The following DNAH6 variants were observed in gnomAD, a reference collection of about 807,000 sequenced individuals.
The protein encoded by DNAH6 is axonemal beta dynein heavy chain 6.
A neutral mutation model predicts 491.4 loss-of-function variants in DNAH6; 340 were observed. The observed-to-expected ratio is 0.69, with a 90% CI of 0.63 to 0.76. DNAH6 has a LOEUF of 0.76. Ranked by LOEUF, DNAH6 falls within the 30% of genes least tolerant of loss-of-function variation. The pLI is 0.00. For synonymous variants in DNAH6, 1,603 were observed against 1,686.1 expected (o/e 0.95, Z 1.21); for missense variants, 4,443 against 4,972.2 (o/e 0.89, Z 3.20).
chr2:84,616,704 A>G (rs1283471843), intron 22 of DNAH6, among the ~76,000 whole-genome samples, 182 bp from the exon 23 acceptor site: 1 of 152,168 alleles, frequency 6.6e-6, no homozygotes, highest in Non-Finnish European at 1.5e-5. Flanking sequence ...TTGCCATTAC[A>G]ATTCCATGAC....
At chr2:84,701,371 T>G (rs1174015487) in intron 49 of DNAH6, 32 bp downstream of exon 49, 2 of 1,534,246 alleles carry the variant, frequency 1.3e-6, no homozygotes, top group Non-Finnish European at 1.8e-6. Context: ...AAAATATTGT[T>G]TTGCTTGAAC....
chr2:84,728,810 C>T (rs1698883789), intron 61 of DNAH6, among the ~76,000 whole-genome samples: 1 of 151,964 alleles, frequency 6.6e-6, no homozygotes. Flanking sequence ...CTGGCTTAAC[C>T]CACACACATA....
rs552331495 is a variant in DNAH6, at chr2:84,602,481, C to T, written c.2869-1858C>T. Among the ~76,000 whole-genome samples, 67 of 99,442 alleles carry T rather than the reference C, an allele frequency of 6.7e-4. 1 individual carries two copies. Among genetic ancestry groups the T allele is most frequent in the African/African-American group, 3.2e-3 (64 of 20,276 alleles). The allele number at this position is 99,442 out of a possible 152,430, so 65.2% of individuals were successfully genotyped here. ...CTCATTGTTCTATAGATGTTGTGTCCCTTTTTTTTTTTTTTTTTTTTTTTT... is the reference window on the plus strand; with the variant it reads ...CTCATTGTTCTATAGATGTTGTGTCTCTTTTTTTTTTTTTTTTTTTTTTTT... On this transcript the variant is annotated intron_variant, in intron 18 of 76. Coordinates refer to ENST00000389394, the MANE Select transcript of DNAH6 (RefSeq NM_001370.2).
chr2:84,767,384 G>A (rs1012119497), intron 64 of DNAH6, among the ~76,000 whole-genome samples: 1 of 151,806 alleles, frequency 6.6e-6, no homozygotes, highest in African/African-American at 2.4e-5. Flanking sequence ...AGTTAGCCAG[G>A]TGGAGTGCTG....
At chr2:84,730,575 A>T (rs558710231) in intron 61 of DNAH6, among the ~76,000 whole-genome samples, 2 of 152,276 alleles carry the variant, frequency 1.3e-5, no homozygotes, top group East Asian at 1.9e-4. Flanking sequence ...TCAAAAAAAA[A>T]ATCTCATAAT....
Position 84,787,600 on chromosome 2 carries a change from T to C in DNAH6, c.11239+298T>C, listed in dbSNP as rs147283037. On this transcript the variant is annotated intron_variant, in intron 68 of 76. Coordinates refer to ENST00000389394, the MANE Select transcript of DNAH6 (RefSeq NM_001370.2). Reference sequence around the variant, plus strand: ...ACTTCCCAAGAATTAGCAGATTTAATCCTCGTAATAACCTTACAATGTGAG... The same window carrying C: ...ACTTCCCAAGAATTAGCAGATTTAACCCTCGTAATAACCTTACAATGTGAG... Among the ~76,000 whole-genome samples the C allele has an allele frequency of 3.2e-3, 491 of 152,228 alleles. 2 individuals are homozygous for C. Among genetic ancestry groups the C allele is most frequent in the Non-Finnish European group, 5.6e-3 (378 of 68,002 alleles).
At chr2:84,558,970 A>C (rs1680360545) in intron 11 of DNAH6, among the ~76,000 whole-genome samples, 1 of 152,214 alleles carries the variant, frequency 6.6e-6, no homozygotes, top group Admixed American at 6.5e-5. Flanking sequence ...TGTCAGTCAT[A>C]AATATCCATT....
At chr2:84,461,609 G>C in the DNAH6 span, among the ~76,000 whole-genome samples, 1 of 152,144 alleles carries the variant, frequency 6.6e-6, no homozygotes, top group Non-Finnish European at 1.5e-5. Flanking sequence ...TTTCATAAGA[G>C]TGTTGTGAAC....
intron 11 of DNAH6, among the ~76,000 whole-genome samples, chr2:84,567,221 T>G (rs895569160): frequency 6.6e-6 from 1 of 152,092 alleles, no homozygotes. Context: ...GGGCTAATAT[T>G]TCCAATACTA....
At position 84,677,551 on chromosome 2, in the gene DNAH6, A is replaced by G. The variant is rs572900834; in HGVS notation, c.6744+415A>G. On this transcript the variant is annotated intron_variant, in intron 41 of 76. Coordinates refer to ENST00000389394, the MANE Select transcript of DNAH6 (RefSeq NM_001370.2). The stretch of plus-strand genomic sequence containing the variant: ...GGCACCTGATATGCCAGAGAGCTCA[A>G]GCTCAACACACCTAAAACAGAACTC... 5.9e-5 allele frequency among the ~76,000 whole-genome samples: 9 copies of G among 152,302 alleles called. No homozygotes were observed. In the East Asian group the frequency reaches 1.7e-3, roughly 29 times the overall value.
At chr2:84,692,079 C>T (rs1694914878) in intron 45 of DNAH6, among the ~76,000 whole-genome samples, 1 of 152,196 alleles carries the variant, frequency 6.6e-6, no homozygotes, top group African/African-American at 2.4e-5. Flanking sequence ...TAAATAAGTC[C>T]TCGTAGACTC....
chr2:84,579,500 A>C (rs1457423989), intron 13 of DNAH6, 27 bp from the exon 14 acceptor site: 48 of 1,609,616 alleles, frequency 3.0e-5, no homozygotes, highest in Non-Finnish European at 3.8e-5. Flanking sequence ...TCGACTATTT[A>C]CAATTCACAC....
At chr2:84,568,310 G>A (rs959172792) in intron 11 of DNAH6, among the ~76,000 whole-genome samples, 4 of 151,960 alleles carry the variant, frequency 2.6e-5, no homozygotes, top group Admixed American at 2.0e-4. Context: ...ACAAAGACAT[G>A]GAATCAATCC....
intron 29 of DNAH6, among the ~76,000 whole-genome samples, chr2:84,630,572 A>G (rs944424096): frequency 2.3e-4 from 35 of 152,226 alleles, no homozygotes; most frequent in Non-Finnish European, 8.8e-5. Context: ...AATAAATTGC[A>G]TAAAAGAGAG....
the DNAH6 span, among the ~76,000 whole-genome samples, chr2:84,488,833 G>A: frequency 6.6e-6 from 1 of 152,092 alleles, no homozygotes; most frequent in African/African-American, 2.4e-5. Context: ...ACCATAGCAG[G>A]CATTAAATTA....
chr2:84,544,503 A>G lies in DNAH6; in HGVS notation c.930+3A>G, dbSNP rs917597376. On this transcript the variant is annotated splice_donor_region_variant and intron_variant, in intron 5 of 76. Coordinates refer to ENST00000389394, the MANE Select transcript of DNAH6 (RefSeq NM_001370.2). ...AAAATTTGTTCATTGTTAATCCTGTATGTATTTATCATTTATATTTTAAAA... is the reference window on the plus strand; with the variant it reads ...AAAATTTGTTCATTGTTAATCCTGTGTGTATTTATCATTTATATTTTAAAA... The G allele has an allele frequency of 4.4e-6, 6 of 1,377,916 alleles. No homozygotes were observed. In the African/African-American group the frequency reaches 7.2e-5, roughly 16 times the overall value. The allele number at this position is 1,377,916 out of a possible 1,614,324, so 85.4% of individuals were successfully genotyped here.
Position 84,604,378 on chromosome 2 carries a change from G to T in DNAH6, c.2908G>T (p.Ala970Ser). 6.4e-7 allele frequency: 1 copy of T among 1,552,194 alleles called. No individual in the cohort carries two copies. Among genetic ancestry groups the T allele is most frequent in the Non-Finnish European group, 8.7e-7 (1 of 1,147,084 alleles). The part of the protein sequence containing the change: ...IIDLRNPTLK[A>S]RHWAAIEQTV... ...TGACTTGAGGAACCCGACTTTGAAG[G>T]CAAGACATTGGGCAGCTATTGAACA... Residue 970 changes from alanine to serine, a missense_variant, in exon 19 of 77, where the codon GCA becomes TCA. Coordinates refer to ENST00000389394, the MANE Select transcript of DNAH6 (RefSeq NM_001370.2).
intron 17 of DNAH6, 142 bp from the exon 18 acceptor site, chr2:84,595,504 T>G: frequency 1.4e-6 from 1 of 712,752 alleles, no homozygotes; most frequent in Non-Finnish European, 2.2e-6. Context: ...ATATATAATG[T>G]TATTAGCAAT....
chr2:84,601,027 GTTATTATTATACTAT>G (rs1685174792), intron 18 of DNAH6, among the ~76,000 whole-genome samples: 1 of 142,984 alleles, frequency 7.0e-6, no homozygotes, highest in African/African-American at 2.7e-5. Context: ...TAATAATAAT[GTTATTATTATACTAT>G]AATAATAATG....
Sources: gnomAD v4.1 joint callset for allele counts (sites outside exome capture counted in the v4.1 genomes callset) on GRCh38, gnomAD v4.1.1 for gene constraint, MANE v1.5 for transcripts, NCBI Gene and HGNC (gene_info 2026-07-23, HGNC 2026-07-21) for gene names.